ZNF469: variants seen among roughly 807,000 people sequenced by gnomAD.
ZNF469 encodes the protein zinc finger protein 469.
A neutral mutation model predicts 1.0 loss-of-function variants in ZNF469; 1 was observed. That is an observed-to-expected ratio of 1.00 (90% CI 0.35 to 4.73). ZNF469 has a LOEUF of 4.73. Among genes scored for constraint, ZNF469 ranks in the 30% most tolerant of loss-of-function variants. ZNF469 has a pLI of 0.16. For synonymous variants in ZNF469, 2,703 were observed against 2,363.4 expected (o/e 1.14, Z -4.17); for missense variants, 6,100 against 5,356.3 (o/e 1.14, Z -4.33).
At chr16:88,292,966 TG>T in the ZNF469 span, among the ~76,000 whole-genome samples, 17 of 152,338 alleles carry the variant, frequency 1.1e-4, no homozygotes, top group African/African-American at 4.1e-4. Flanking sequence ...GGGGAGGCCC[TG>T]GGGTCTTCCT....
At chr16:88,217,769 A>C in the ZNF469 span, among the ~76,000 whole-genome samples, 1 of 90,870 alleles carries the variant, frequency 1.1e-5, no homozygotes, top group Non-Finnish European at 2.3e-5. Flanking sequence ...AAGGACATGA[A>C]CTCATCATTT....
intron 1 of ZNF469, among the ~76,000 whole-genome samples, chr16:88,402,149 A>AGATG (rs1904901417): frequency 7.6e-6 from 1 of 130,816 alleles, no homozygotes; most frequent in Non-Finnish European, 1.6e-5. Context: ...ATGCATGGGT[A>AGATG]GATGGATGGA....
intron 1 of ZNF469, among the ~76,000 whole-genome samples, chr16:88,387,424 A>G (rs1904367626): frequency 6.6e-6 from 1 of 152,114 alleles, no homozygotes; most frequent in African/African-American, 2.4e-5. Flanking sequence ...CGCGGTCAGC[A>G]CAGCCTCCAG....
At chr16:88,369,553 C>A in the ZNF469 span, among the ~76,000 whole-genome samples, 66 of 152,218 alleles carry the variant, frequency 4.3e-4, no homozygotes, top group African/African-American at 1.5e-3. Flanking sequence ...TGTGACCCTG[C>A]GCAAGTCACT....
the ZNF469 span, among the ~76,000 whole-genome samples, chr16:88,269,809 A>T: frequency 9.2e-5 from 14 of 152,108 alleles, no homozygotes; most frequent in Admixed American, 8.5e-4. Context: ...GTGGCTTCTG[A>T]TGGCTCCTGA....
At chr16:88,418,788 C>T (rs1271628310) in intron 1 of ZNF469, among the ~76,000 whole-genome samples, 1 of 152,218 alleles carries the variant, frequency 6.6e-6, no homozygotes, top group Non-Finnish European at 1.5e-5. Flanking sequence ...TATAATTTTA[C>T]CTGCAAAGGT....
At chr16:88,274,043 T>C in the ZNF469 span, among the ~76,000 whole-genome samples, 4 of 152,138 alleles carry the variant, frequency 2.6e-5, no homozygotes, top group Non-Finnish European at 5.9e-5. Context: ...GACCTCGTGA[T>C]CCGCCTGCCT....
the ZNF469 span, among the ~76,000 whole-genome samples, chr16:88,120,556 A>G: frequency 6.6e-6 from 1 of 152,236 alleles, no homozygotes; most frequent in Non-Finnish European, 1.5e-5. Context: ...CTGGACCCGC[A>G]GCGTGAGCTC....
At position 88,430,669 on chromosome 16, in the gene ZNF469, C is replaced by A. The variant is rs1906097868; in HGVS notation, c.3199C>A (p.Arg1067=). ...QKNRRHRRLG[R]RAGRCGSLAA... ...GAACAGGCGCCACCGGCGGCTGGGG[C>A]GGCGGGCGGGCAGGTGCGGCTCCCT... Residue 1067 remains arginine, a synonymous_variant, in exon 3 of 3, where the codon CGG becomes AGG. Transcript: ENST00000565624. 3 of 1,494,386 alleles carry A rather than the reference C, an allele frequency of 2.0e-6. No individual in the cohort carries two copies. The highest frequency in any genetic ancestry group is 4.4e-5 in the Admixed American group (2 of 45,834). 92.6% of individuals were successfully genotyped at this position (1,494,386 alleles called of 1,614,324 possible).
the ZNF469 span, among the ~76,000 whole-genome samples, chr16:88,357,678 C>A: frequency 6.6e-6 from 1 of 152,222 alleles, no homozygotes; most frequent in Non-Finnish European, 1.5e-5. Flanking sequence ...CCGAAGCACG[C>A]CAAGTCTGTT....
At chr16:88,158,578 C>T in the ZNF469 span, among the ~76,000 whole-genome samples, 1 of 152,202 alleles carries the variant, frequency 6.6e-6, no homozygotes, top group Non-Finnish European at 1.5e-5. Flanking sequence ...GCCTCTTGGT[C>T]AGGACTCAGG....
chr16:88,301,681 G>A, the ZNF469 span, among the ~76,000 whole-genome samples: 13 of 152,320 alleles, frequency 8.5e-5, no homozygotes, highest in African/African-American at 1.2e-4. Flanking sequence ...ATGAGATGCC[G>A]TCCCTGTGGG....
At chr16:88,116,794 G>T in the ZNF469 span, among the ~76,000 whole-genome samples, 4 of 152,202 alleles carry the variant, frequency 2.6e-5, no homozygotes, top group African/African-American at 9.7e-5. Flanking sequence ...GAACAGGTTG[G>T]TGGTTTGCCA....
At chr16:88,320,295 G>A in the ZNF469 span, among the ~76,000 whole-genome samples, 2 of 152,164 alleles carry the variant, frequency 1.3e-5, no homozygotes, top group African/African-American at 2.4e-5. Flanking sequence ...GGAAGCCTGC[G>A]TTTACTCTAA....
chr16:88,375,603 G>A, the ZNF469 span, among the ~76,000 whole-genome samples: 2 of 152,170 alleles, frequency 1.3e-5, no homozygotes, highest in Admixed American at 6.5e-5. Context: ...TCCTTCCCAC[G>A]TTTCCTTCCA....
intron 1 of ZNF469, among the ~76,000 whole-genome samples, chr16:88,423,943 T>A (rs143248413): frequency 6.6e-6 from 1 of 152,380 alleles, no homozygotes; most frequent in East Asian, 1.9e-4. Flanking sequence ...GTGGAGAGAA[T>A]GAGGCTCCAC....
the ZNF469 span, among the ~76,000 whole-genome samples, chr16:88,329,938 A>G: frequency 0.22 from 33,800 of 152,094 alleles, 3,720 homozygotes; most frequent in South Asian, 0.29. Flanking sequence ...TCATCCAGGC[A>G]CCCAAAGGAA....
At position 88,437,259 on chromosome 16, in the gene ZNF469, G is replaced by A. The variant is rs1408914726; in HGVS notation, c.9789G>A (p.Lys3263=). The A allele has an allele frequency of 1.9e-5, 30 of 1,548,712 alleles. No individual in the cohort carries two copies. Among genetic ancestry groups the A allele is most frequent in the Non-Finnish European group, 2.5e-5 (29 of 1,146,148 alleles). ...CGTGGGGGCAAGAGGGAGAAGCCAAGAAAGACAGCCCGGGCGAGAGGGCGA... is the reference window on the plus strand; with the variant it reads ...CGTGGGGGCAAGAGGGAGAAGCCAAAAAAGACAGCCCGGGCGAGAGGGCGA... ...GDPWGQEGEA[K]KDSPGERAKP... Residue 3263 remains lysine, a synonymous_variant, in exon 3 of 3, where the codon AAG becomes AAA. Coordinates refer to ENST00000565624, the MANE Select transcript of ZNF469 (RefSeq NM_001367624.2).
chr16:88,211,836 G>C, the ZNF469 span, among the ~76,000 whole-genome samples: 1 of 152,118 alleles, frequency 6.6e-6, no homozygotes, highest in African/African-American at 2.4e-5. Context: ...TGCCAGCTGG[G>C]CCCTGCCCTG....
Sources: allele counts gnomAD v4.1 joint callset (sites outside exome capture counted in the v4.1 genomes callset), GRCh38; gene constraint gnomAD v4.1.1; transcripts MANE v1.5; gene names NCBI Gene and HGNC (gene_info 2026-07-23, HGNC 2026-07-21).